Variants in CD22 observed in about 807,000 individuals in gnomAD.
CD22 encodes CD22 molecule, also known as B-cell receptor CD22.
Under a neutral mutation model 94.7 loss-of-function variants are expected in CD22, and 51 were observed. The observed-to-expected ratio is 0.54, with a 90% CI of 0.43 to 0.68. The LOEUF (loss-of-function observed/expected upper bound fraction) is 0.68. Ranked by LOEUF, CD22 falls within the 30% of genes least tolerant of loss-of-function variation. The probability of loss-of-function intolerance (pLI) is 0.00; values close to 1 mark genes in which losing one functional copy is unlikely to be tolerated. For missense variants in CD22, 931 were observed against 1,060.4 expected (o/e 0.88, Z 1.69); for synonymous variants, 424 against 422.5 (o/e 1.00, Z -0.04).
At chr19:35,342,801 T>C (rs1317011088) in intron 9 of CD22, among the ~76,000 whole-genome samples, 1 of 151,974 alleles carries the variant, frequency 6.6e-6, no homozygotes, top group East Asian at 1.9e-4. Flanking sequence ...CTTGTTTTTA[T>C]CTTTTAAAAC....
chr19:35,338,581 A>G, intron 6 of CD22, 150 bp downstream of exon 6: 1 of 759,858 alleles, frequency 1.3e-6, no homozygotes, highest in Non-Finnish European at 2.1e-6. Flanking sequence ...CTCAGCTCCT[A>G]GCATAGGGCC....
At chr19:35,344,606 T>A (rs1374539963) in intron 9 of CD22, 1 of 531,524 alleles carries the variant, frequency 1.9e-6, no homozygotes, top group Non-Finnish European at 3.4e-6. Context: ...GCGTGCCACG[T>A]CTGTGGGAAA....
In CD22 at chr19:35,341,337, C is replaced by G; in HGVS notation, c.1508-6C>G. The G allele has an allele frequency of 6.2e-7, 1 of 1,612,770 alleles. No individual in the cohort carries two copies. Among genetic ancestry groups the G allele is most frequent in the South Asian group, 1.1e-5 (1 of 91,032 alleles). On this transcript the variant is annotated splice_region_variant and splice_polypyrimidine_tract_variant and intron_variant, in intron 7 of 13. Transcript: ENST00000085219. The surrounding 1 kb of genome is among the most constrained non-coding windows in gnomAD (Gnocchi z 4.0). The stretch of plus-strand genomic sequence containing the variant: ...GAGAGGTCAGCTTGGGACCCTTGCC[C>G]TCCAGATGCCCCCCGAGACGTGAGG...
Position 35,336,232 on chromosome 19 carries a change from G to A in CD22, c.609G>A (p.Glu203=). ...TCAAGTCTGTCTTCACCCGGAGCGA[G>A]CTCAAGTTCTCCCCACAGTGGAGTC... ...LTIKSVFTRS[E]LKFSPQWSHH... Residue 203 remains glutamate, a synonymous_variant, in exon 4 of 14, where the codon GAG becomes GAA. Coordinates refer to ENST00000085219, the MANE Select transcript of CD22 (RefSeq NM_001771.4). The A allele has an allele frequency of 6.2e-7, 1 of 1,614,204 alleles. No individual in the cohort carries two copies. The highest frequency in any genetic ancestry group is 1.7e-5 in the Admixed American group (1 of 60,018).
At position 35,345,614 on chromosome 19, in the gene CD22, C is replaced by T. The variant is rs539133119; in HGVS notation, c.2221C>T (p.Pro741Ser). ...FVRNKKVRRA[P>S]LSEGPHSLGC... is the part of the protein sequence containing the mutation. ...GTCTCCCTCCCAGGTTAGAAGGGCC[C>T]CCCTCTCTGAAGGCCCCCACTCCCT... Residue 741 changes from proline to serine, a missense_variant, in exon 12 of 14, where the codon CCC becomes TCC. Coordinates refer to ENST00000085219, the MANE Select transcript of CD22 (RefSeq NM_001771.4). 88 of 1,605,972 alleles carry T rather than the reference C, an allele frequency of 5.5e-5. No individual in the cohort carries two copies. Among genetic ancestry groups the T allele is most frequent in the Non-Finnish European group, 6.9e-5 (81 of 1,172,856 alleles).
chr19:35,343,639 T>C (rs1275738965), intron 9 of CD22, among the ~76,000 whole-genome samples: 1 of 152,088 alleles, frequency 6.6e-6, no homozygotes, highest in East Asian at 1.9e-4. Flanking sequence ...CCCAACACTT[T>C]GAGAGGCCAT....
At chr19:35,338,793 CTAAT>C (rs2066763523) in intron 6 of CD22, among the ~76,000 whole-genome samples, 1 of 152,056 alleles carries the variant, frequency 6.6e-6, no homozygotes, top group Non-Finnish European at 1.5e-5. Context: ...CCACGCCCGG[CTAAT>C]TATTTGTACT....
chr19:35,338,300 T>C lies in CD22; in HGVS notation c.1118T>C (p.Met373Thr). 1.2e-6 allele frequency: 2 copies of C among 1,614,134 alleles called. No homozygotes were observed. The highest frequency in any genetic ancestry group is 1.7e-6 in the Non-Finnish European group (2 of 1,180,028). The change falls in exon 6 of 14, where the codon ATG becomes ACG. Residue 373 changes from methionine (M) to threonine (T), a missense_variant. By Grantham distance (81) the Met-to-Thr change is moderately conservative. Coordinates refer to ENST00000085219, the MANE Select transcript of CD22 (RefSeq NM_001771.4). ...ACGTGGTACCACAATGGGAAAGAAA[T>C]GCAGGGAAGGACAGAGGAGAAAGTC... is the stretch of plus-strand genomic sequence containing the variant. ...NYTWYHNGKE[M>T]QGRTEEKVHI...
chr19:35,342,010 C>CTTCCTTCCTTCCT (rs1435996505), intron 9 of CD22, 45 bp downstream of exon 9: 5 of 361,240 alleles, frequency 1.4e-5, no homozygotes, highest in Non-Finnish European at 2.0e-5. Context: ...GTGGTCAGTC[C>CTTCCTTCCTTCCT]TTCCTTCCTT....
intron 12 of CD22, 56 bp from the exon 13 acceptor site, chr19:35,346,095 A>G: frequency 7.5e-7 from 1 of 1,341,216 alleles, no homozygotes; most frequent in Non-Finnish European, 1.1e-6. Flanking sequence ...GTTGAGAGGG[A>G]GGAGAGTTCG....
chr19:35,344,960 C>A (rs780329076), intron 10 of CD22, 35 bp downstream of exon 10: 4 of 1,602,724 alleles, frequency 2.5e-6, no homozygotes, highest in Non-Finnish European at 3.4e-6. Context: ...CCTCCTCTAT[C>A]CCTTGGCAGA....
chr19:35,338,406 C>T lies in CD22; in HGVS notation c.1224C>T (p.Gly408=), dbSNP rs2066756823. 2 of 1,613,628 alleles carry T rather than the reference C, an allele frequency of 1.2e-6. No individual in the cohort carries two copies. Among genetic ancestry groups the T allele is most frequent in the Non-Finnish European group, 1.7e-6 (2 of 1,179,682 alleles). The stretch of plus-strand genomic sequence containing the variant: ...ACATTCTTGGTACTGGACAGAGGGG[C>T]CCGGGAGCTGAGCTGGATGTCCAGT... ...AENILGTGQR[G]PGAELDVQYP... Residue 408 remains glycine, a synonymous_variant, in exon 6 of 14, where the codon GGC becomes GGT. Coordinates refer to ENST00000085219, the MANE Select transcript of CD22 (RefSeq NM_001771.4).
Position 35,332,866 on chromosome 19 carries a change from G to A in CD22, c.354G>A (p.Gly118=). 1 of 1,614,222 alleles carries A rather than the reference G, an allele frequency of 6.2e-7. No individual in the cohort carries two copies. Among genetic ancestry groups the A allele is most frequent in the Non-Finnish European group, 8.5e-7 (1 of 1,180,044 alleles). ...PVHLNDSGQL[G]LRMESKTEKW... ...ACCTCAATGACAGTGGTCAGCTGGG[G>A]CTGAGGATGGAGTCCAAGACTGAGA... The change falls in exon 3 of 14, where the codon GGG becomes GGA. Residue 118 remains glycine (G), a synonymous_variant. Transcript: ENST00000085219.
chr19:35,345,856 A>G, intron 12 of CD22, 136 bp downstream of exon 12: 1 of 707,832 alleles, frequency 1.4e-6, no homozygotes. Flanking sequence ...CCACTCGGCA[A>G]CAAGCCTCTG....
chr19:35,341,880 G>A lies in CD22; in HGVS notation c.1950G>A (p.Lys650=). ...AGAAGCTGAGATTGGAGCCGGTGAA[G>A]GTCCAGCACTCGGGTGCCTACTGGT... The part of the protein sequence containing the change: ...HSQKLRLEPV[K]VQHSGAYWCQ... The change falls in exon 9 of 14, where the codon AAG becomes AAA. Residue 650 remains lysine, a synonymous_variant. Coordinates refer to ENST00000085219, the MANE Select transcript of CD22 (RefSeq NM_001771.4). The surrounding 1 kb of genome is among the most constrained non-coding windows in gnomAD (Gnocchi z 4.0). The A allele has an allele frequency of 3.1e-6, 5 of 1,614,098 alleles. No homozygotes were observed. The highest frequency in any genetic ancestry group is 2.2e-5 in the East Asian group (1 of 44,884).
rs2066652965 is a variant in CD22, at chr19:35,332,050, C to T, written c.10C>T (p.Leu4Phe). 1.2e-6 allele frequency: 2 copies of T among 1,613,856 alleles called. No homozygotes were observed. The highest frequency in any genetic ancestry group is 3.3e-5 in the Admixed American group (2 of 59,980). The change falls in exon 2 of 14, where the codon CTC (leucine) becomes TTC (phenylalanine). Residue 4 changes from leucine to phenylalanine, a missense_variant. By Grantham distance (22) the Leu-to-Phe change is conservative. Transcript: ENST00000085219. ...ACCCAGACACGACACCATGCATCTC[C>T]TCGGCCCCTGGCTCCTGCTCCTGGG... is the stretch of plus-strand genomic sequence containing the variant. MHL[L>F]GPWLLLLVLE...
rs778540046 is a variant in CD22 at position 35,341,678 on chromosome 19, C to G, written c.1772-24C>G. 6.2e-7 allele frequency: 1 copy of G among 1,606,166 alleles called. No individual in the cohort carries two copies. Among genetic ancestry groups the G allele is most frequent in the Admixed American group, 1.7e-5 (1 of 59,802 alleles). Reference sequence around the variant, plus strand: ...GGCCTGCCTGGTAGTGACTTCGCACCCCCTCCCCCTGCCCGCCATGCAGAT... The same window carrying G: ...GGCCTGCCTGGTAGTGACTTCGCACGCCCTCCCCCTGCCCGCCATGCAGAT... On this transcript the variant is annotated intron_variant, in intron 8 of 13. Transcript: ENST00000085219. This position sits in a 1 kb window ranked among gnomAD's most constrained non-coding sequence, Gnocchi z 4.0.
intron 11 of CD22, 122 bp from the exon 12 acceptor site, chr19:35,345,480 G>A (rs1293702156): frequency 3.0e-6 from 2 of 669,960 alleles, no homozygotes; most frequent in Non-Finnish European, 5.3e-6. Context: ...AGCTGAGTGG[G>A]GAAACAAGGT....
At chr19:35,333,049 C>A in intron 3 of CD22, 125 bp downstream of exon 3, 1 of 1,008,672 alleles carries the variant, frequency 9.9e-7, no homozygotes, top group Non-Finnish European at 1.4e-6. Flanking sequence ...GGGACGCCAG[C>A]GGATGACGAT....
Sources: gnomAD v4.1 joint callset for allele counts (sites outside exome capture counted in the v4.1 genomes callset) on GRCh38, gnomAD v4.1.1 for gene constraint, Gnocchi (gnomAD v3.1) non-coding constraint, MANE v1.5 for transcripts, NCBI Gene and HGNC (gene_info 2026-07-23, HGNC 2026-07-21) for gene names.